Variants in ITFG1 observed in about 807,000 individuals in gnomAD.
The protein encoded by ITFG1 is integrin alpha FG-GAP repeat containing 1.
A neutral mutation model predicts 81.8 loss-of-function variants in ITFG1; 34 were observed. The observed-to-expected ratio is 0.42, with a 90% confidence interval of 0.32 to 0.55. ITFG1 has a LOEUF of 0.55. Ranked by LOEUF, ITFG1 falls within the 20% of genes least tolerant of loss-of-function variation. ITFG1 has a pLI of 0.17. For missense variants in ITFG1, 672 were observed against 755.4 expected (o/e 0.89, Z 1.29); for synonymous variants, 285 against 270.6 (o/e 1.05, Z -0.52).
intron 5 of ITFG1, among the ~76,000 whole-genome samples, chr16:47,433,680 AT>A (rs1370111377): frequency 6.6e-6 from 1 of 150,868 alleles, no homozygotes; most frequent in Non-Finnish European, 1.5e-5. Flanking sequence ...TACGGTGTCT[AT>A]TTACTGTTCT....
At chr16:47,225,544 G>A (rs1329668008) in intron 13 of ITFG1, among the ~76,000 whole-genome samples, 1 of 152,128 alleles carries the variant, frequency 6.6e-6, no homozygotes, top group African/African-American at 2.4e-5. Context: ...GTTGAAAGCA[G>A]CAAGAGACAA....
At chr16:47,358,241 G>A (rs1204432972) in intron 8 of ITFG1, among the ~76,000 whole-genome samples, 1 of 152,198 alleles carries the variant, frequency 6.6e-6, no homozygotes. Context: ...TAGGAGCAGA[G>A]TAGGCTAAGG....
chr16:47,296,462 G>A (rs928841972), intron 10 of ITFG1, among the ~76,000 whole-genome samples: 6 of 152,072 alleles, frequency 3.9e-5, no homozygotes, highest in Admixed American at 6.6e-5. Context: ...TTGAGATGGA[G>A]TCTGGCTCTG....
chr16:47,263,422 T>C (rs1297282811), intron 10 of ITFG1: 2 of 431,144 alleles, frequency 4.6e-6, no homozygotes. Flanking sequence ...ACCTCTACCA[T>C]GTGCAGGAGG....
intron 10 of ITFG1, among the ~76,000 whole-genome samples, chr16:47,308,601 C>T (rs1258402615): frequency 5.9e-5 from 9 of 152,116 alleles, no homozygotes; most frequent in East Asian, 3.8e-4. Context: ...CCATGAAAAA[C>T]GATGGTAAAG....
chr16:47,268,232 T>G (rs1046084998), intron 10 of ITFG1, among the ~76,000 whole-genome samples: 2 of 152,118 alleles, frequency 1.3e-5, no homozygotes, highest in Non-Finnish European at 2.9e-5. Flanking sequence ...TTAGGGATTT[T>G]AAAAGGATGA....
intron 5 of ITFG1, among the ~76,000 whole-genome samples, chr16:47,447,229 C>T (rs969847638): frequency 2.0e-5 from 3 of 151,998 alleles, no homozygotes; most frequent in African/African-American, 7.2e-5. Context: ...AATGGTTTCT[C>T]CCCAAACAAG....
chr16:47,174,816 G>A (rs186454379), intron 14 of ITFG1, among the ~76,000 whole-genome samples: 238 of 152,176 alleles, frequency 1.6e-3, no homozygotes, highest in Admixed American at 3.4e-3. Flanking sequence ...CACCGCGCCC[G>A]GCCTCTCTGA....
chr16:47,177,083 C>T (rs1415629382), intron 14 of ITFG1, among the ~76,000 whole-genome samples: 1 of 151,958 alleles, frequency 6.6e-6, no homozygotes, highest in Non-Finnish European at 1.5e-5. Context: ...CCTCATCCTC[C>T]AGAGTAGCTG....
intron 8 of ITFG1, among the ~76,000 whole-genome samples, chr16:47,340,066 C>T (rs934036815): frequency 6.6e-6 from 1 of 152,016 alleles, no homozygotes; most frequent in Admixed American, 6.5e-5. Flanking sequence ...ATTTAAAACA[C>T]TCAAAGAAAA....
chr16:47,177,862 C>T (rs187875358), intron 14 of ITFG1, among the ~76,000 whole-genome samples: 118 of 152,264 alleles, frequency 7.7e-4, no homozygotes, highest in East Asian at 6.4e-3. Flanking sequence ...AAGTATTTAG[C>T]TAGCTAATTC....
At chr16:47,344,056 T>G (rs1307351511) in intron 8 of ITFG1, among the ~76,000 whole-genome samples, 1 of 152,166 alleles carries the variant, frequency 6.6e-6, no homozygotes, top group African/African-American at 2.4e-5. Context: ...GGATTCCACT[T>G]ATATGAAATA....
At chr16:47,454,657 AT>A (rs1255349897) in intron 2 of ITFG1, among the ~76,000 whole-genome samples, 1 of 152,206 alleles carries the variant, frequency 6.6e-6, no homozygotes, top group Non-Finnish European at 1.5e-5. Flanking sequence ...TAAATTAAGA[AT>A]GGAATTTTTT....
intron 10 of ITFG1, among the ~76,000 whole-genome samples, chr16:47,274,629 CTCT>C (rs1218375430): frequency 1.3e-5 from 2 of 152,266 alleles, no homozygotes; most frequent in Non-Finnish European, 1.5e-5. Context: ...ATGAAATTCT[CTCT>C]TCTTATTATA....
intron 13 of ITFG1, among the ~76,000 whole-genome samples, chr16:47,228,315 A>T (rs1363685937): frequency 6.6e-6 from 1 of 152,326 alleles, no homozygotes; most frequent in Non-Finnish European, 1.5e-5. Context: ...AACAGTACCA[A>T]GTAAGATCAT....
chr16:47,434,594 G>A (rs564942115), intron 5 of ITFG1, among the ~76,000 whole-genome samples: 1 of 152,310 alleles, frequency 6.6e-6, no homozygotes, highest in Admixed American at 6.5e-5. Context: ...CTTTTACACT[G>A]TTGGTGGGAG....
chr16:47,301,514 A>G (rs1283680081), intron 10 of ITFG1, among the ~76,000 whole-genome samples: 1 of 150,918 alleles, frequency 6.6e-6, no homozygotes, highest in Non-Finnish European at 1.5e-5. Context: ...CTCCTGCCTC[A>G]GCCTCCCGAG....
At chr16:47,337,698 C>T (rs560827446) in intron 8 of ITFG1, among the ~76,000 whole-genome samples, 11 of 152,252 alleles carry the variant, frequency 7.2e-5, no homozygotes, top group African/African-American at 2.4e-4. Flanking sequence ...ATCGCAATTG[C>T]GACAGAAGGT....
intron 6 of ITFG1, among the ~76,000 whole-genome samples, chr16:47,424,501 G>C (rs1968994079): frequency 2.0e-5 from 3 of 152,198 alleles, no homozygotes; most frequent in Admixed American, 2.0e-4. Context: ...TCCTTTGGAG[G>C]AGAAGAGGTG....
Sources: gnomAD v4.1 joint callset for allele counts (sites outside exome capture counted in the v4.1 genomes callset) on GRCh38, gnomAD v4.1.1 for gene constraint, MANE v1.5 for transcripts, NCBI Gene and HGNC (gene_info 2026-07-23, HGNC 2026-07-21) for gene names.